The following CRTAC1 variants were observed in gnomAD, a reference collection of about 807,000 sequenced individuals.
The protein encoded by CRTAC1 is acidic secreted protein in cartilage.
CRTAC1 carries 37 observed loss-of-function variants against 67.8 expected under a neutral mutation model. That is an observed-to-expected ratio of 0.55 (90% CI 0.42 to 0.72). The LOEUF (loss-of-function observed/expected upper bound fraction) is 0.72. Ranked by LOEUF, CRTAC1 falls within the 30% of genes least tolerant of loss-of-function variation. CRTAC1 has a pLI of 0.00. For missense variants in CRTAC1, 780 were observed against 931.6 expected (o/e 0.84, Z 2.12); for synonymous variants, 348 against 371.0 (o/e 0.94, Z 0.71).
In CRTAC1 at chr10:98,030,567, C is replaced by A. The variant is rs563624429; in HGVS notation, c.-95G>T. On this transcript the variant is annotated 5_prime_UTR_variant, in exon 1 of 15. Transcript: ENST00000370597. This position sits in a 1 kb window ranked among gnomAD's most constrained non-coding sequence, Gnocchi z 4.2. ...GCCGCCGCCTGCTTGCTCCCAGCCCCGGTCCCGGGCTGGCCTCGAGCCTCC... is the reference window on the plus strand; with the variant it reads ...GCCGCCGCCTGCTTGCTCCCAGCCCAGGTCCCGGGCTGGCCTCGAGCCTCC... 66 of 885,532 alleles carry A rather than the reference C, an allele frequency of 7.5e-5. No individual in the cohort carries two copies. In the African/African-American group the frequency reaches 1.1e-3, roughly 15 times the overall value. 54.9% of individuals were successfully genotyped at this position (885,532 alleles called of 1,614,324 possible).
intron 1 of CRTAC1, among the ~76,000 whole-genome samples, chr10:98,012,395 C>A (rs1047632701): frequency 3.9e-5 from 6 of 152,100 alleles, no homozygotes. Flanking sequence ...CTAGAATCAG[C>A]ACTCATGAAA....
Position 97,975,691 on chromosome 10 carries a change from G to A in CRTAC1, c.224+35447C>T, listed in dbSNP as rs1017536490. Among the ~76,000 whole-genome samples, 1 of 150,914 alleles carries A rather than the reference G, an allele frequency of 6.6e-6. No individual in the cohort carries two copies. Among genetic ancestry groups the A allele is most frequent in the Non-Finnish European group, 1.5e-5 (1 of 67,932 alleles). ...CCTCCAAGCCTGCACAGCCTCACACGGGGGTAGGGCTGGGGGAGACGAGGG... is the reference window on the plus strand; with the variant it reads ...CCTCCAAGCCTGCACAGCCTCACACAGGGGTAGGGCTGGGGGAGACGAGGG... On this transcript the variant is annotated intron_variant, in intron 2 of 14. Coordinates refer to ENST00000370597, the MANE Select transcript of CRTAC1 (RefSeq NM_018058.7). This position sits in a 1 kb window ranked among gnomAD's most constrained non-coding sequence, Gnocchi z 4.8.
intron 2 of CRTAC1, among the ~76,000 whole-genome samples, chr10:97,943,863 C>A (rs374045131): frequency 6.6e-6 from 1 of 152,192 alleles, no homozygotes; most frequent in Admixed American, 6.5e-5. Flanking sequence ...TTCCATTTGG[C>A]GCTTTACTGA....
intron 1 of CRTAC1, among the ~76,000 whole-genome samples, chr10:98,020,031 T>C (rs1024419404): frequency 3.3e-5 from 5 of 152,202 alleles, no homozygotes; most frequent in African/African-American, 1.2e-4. Flanking sequence ...CAATTCTGCT[T>C]CACAAATCTC....
At chr10:98,022,443 G>A (rs898101806) in intron 1 of CRTAC1, among the ~76,000 whole-genome samples, 6 of 152,046 alleles carry the variant, frequency 3.9e-5, no homozygotes, top group Non-Finnish European at 4.4e-5. Flanking sequence ...TAGGAGGGAG[G>A]GATTAACTAG....
rs1269530621 is a variant in CRTAC1 at position 97,884,208 on chromosome 10, C to T, written c.1630G>A (p.Glu544Lys). 1.0e-5 allele frequency: 16 copies of T among 1,566,706 alleles called. No homozygotes were observed. The highest frequency in any genetic ancestry group is 1.3e-5 in the Non-Finnish European group (15 of 1,154,894). The change falls in exon 12 of 15, where the codon GAG becomes AAG. Residue 544 changes from glutamate (E) to lysine (K), a missense_variant and splice_region_variant. Transcript: ENST00000370597. ...EDTLQDPAPL[E>K]CGQGFSQQEN... Reference sequence around the variant, plus strand: ...GAGGCCCAGATGCCTTTGCCCACCTCCAGTGGGGCTGGGTCCTGAAGTGTG... The same window carrying T: ...GAGGCCCAGATGCCTTTGCCCACCTTCAGTGGGGCTGGGTCCTGAAGTGTG...
At chr10:97,920,478 C>A (rs565279052) in intron 4 of CRTAC1, among the ~76,000 whole-genome samples, 2 of 152,040 alleles carry the variant, frequency 1.3e-5, no homozygotes, top group East Asian at 1.9e-4. Flanking sequence ...ATCAGAATCA[C>A]CTGGGGGGCT....
intron 7 of CRTAC1, among the ~76,000 whole-genome samples, chr10:97,901,947 C>T (rs575291537): frequency 5.3e-5 from 8 of 152,294 alleles, no homozygotes; most frequent in Admixed American, 5.2e-4. Flanking sequence ...AGACATTAGC[C>T]TTCCCATTTG....
At chr10:98,005,100 ATTT>A (rs10683960) in intron 2 of CRTAC1, among the ~76,000 whole-genome samples, 1 of 48,884 alleles carries the variant, frequency 2.0e-5, no homozygotes, top group Non-Finnish European at 3.5e-5. Flanking sequence ...ATATATATAT[ATTT>A]TTTTTTTTTT....
intron 2 of CRTAC1, among the ~76,000 whole-genome samples, chr10:97,952,676 G>A (rs559657732): frequency 1.3e-5 from 2 of 152,028 alleles, no homozygotes; most frequent in East Asian, 1.9e-4. Context: ...ACCAAAATGT[G>A]AGACCCATCC....
chr10:97,948,497 C>T (rs2051299604), intron 2 of CRTAC1, among the ~76,000 whole-genome samples: 1 of 152,084 alleles, frequency 6.6e-6, no homozygotes, highest in Admixed American at 6.5e-5. Flanking sequence ...AAGGGTTTCA[C>T]CAAGCTTTGG....
At chr10:97,989,233 C>A (rs1004297288) in intron 2 of CRTAC1, among the ~76,000 whole-genome samples, 2 of 152,096 alleles carry the variant, frequency 1.3e-5, no homozygotes, top group African/African-American at 4.8e-5. Context: ...AATCACATGC[C>A]GATTCCTCAT....
intron 2 of CRTAC1, among the ~76,000 whole-genome samples, chr10:97,943,293 C>T (rs962116154): frequency 1.2e-4 from 18 of 152,150 alleles, no homozygotes; most frequent in African/African-American, 4.1e-4. Flanking sequence ...ATACCTAAAA[C>T]CTTTTAAGTA....
chr10:97,944,634 A>G (rs1256432612), intron 2 of CRTAC1, among the ~76,000 whole-genome samples: 1 of 152,176 alleles, frequency 6.6e-6, no homozygotes, highest in Non-Finnish European at 1.5e-5. Context: ...TCATGAAGAC[A>G]TGGAGTCTAT....
intron 5 of CRTAC1, among the ~76,000 whole-genome samples, chr10:97,910,095 C>T (rs1248400144): frequency 6.6e-6 from 1 of 152,154 alleles, no homozygotes; most frequent in African/African-American, 2.4e-5. Context: ...TACAACACTT[C>T]AGTTTAACGG....
At chr10:97,906,534 C>T (rs893622366) in intron 6 of CRTAC1, among the ~76,000 whole-genome samples, 1 of 152,188 alleles carries the variant, frequency 6.6e-6, no homozygotes, top group Non-Finnish European at 1.5e-5. Flanking sequence ...CCAACTTGTT[C>T]GCTCACCTCT....
intron 2 of CRTAC1, among the ~76,000 whole-genome samples, chr10:97,978,419 C>T (rs2051840791): frequency 1.3e-5 from 2 of 152,116 alleles, no homozygotes; most frequent in Admixed American, 1.3e-4. Context: ...TTTCCTCTTA[C>T]ATCTTACATA....
At chr10:98,005,385 G>T (rs866864844) in intron 2 of CRTAC1, among the ~76,000 whole-genome samples, 1 of 150,512 alleles carries the variant, frequency 6.6e-6, no homozygotes. Context: ...GATTACAGGC[G>T]TGAGCCACCA....
At chr10:97,902,768 C>A (rs1422859666) in intron 7 of CRTAC1, among the ~76,000 whole-genome samples, 1 of 152,138 alleles carries the variant, frequency 6.6e-6, no homozygotes, top group Non-Finnish European at 1.5e-5. Context: ...CTGCTGCAGA[C>A]CCTCTTTGGC....
Sources: gnomAD v4.1 joint callset for allele counts (sites outside exome capture counted in the v4.1 genomes callset) on GRCh38, gnomAD v4.1.1 for gene constraint, Gnocchi (gnomAD v3.1) non-coding constraint, MANE v1.5 for transcripts, NCBI Gene and HGNC (gene_info 2026-07-23, HGNC 2026-07-21) for gene names.